Variants in PI3 observed in about 807,000 individuals in gnomAD.
The protein encoded by PI3 is peptidase inhibitor 3.
Under a neutral mutation model 6.0 loss-of-function variants are expected in PI3, and 4 were observed. The ratio of observed to expected loss-of-function variants is 0.67; its 90% CI spans 0.33 to 1.54. The LOEUF (loss-of-function observed/expected upper bound fraction) is 1.54. Ranked by LOEUF, PI3 falls within the 40% of genes most tolerant of loss-of-function variation. The pLI, the probability that PI3 is intolerant of heterozygous loss-of-function variation, is 0.06. For missense variants in PI3, 149 were observed against 147.6 expected (o/e 1.01, Z -0.05); for synonymous variants, 58 against 56.9 (o/e 1.02, Z -0.09).
rs138219402 is a variant in PI3 at position 45,176,129 on chromosome 20, C to G, written c.348C>G (p.Pro116=). ...EGSCGMACFV[P]Q ...CTTGCGGGATGGCCTGTTTCGTTCC[C>G]CAGTGAGGTGAGCACTAGCTGGAGA... The change falls in exon 2 of 3, where the codon CCC becomes CCG. Residue 116 remains proline, a synonymous_variant. Coordinates refer to ENST00000243924, the MANE Select transcript of PI3 (RefSeq NM_002638.4). 4.4e-4 allele frequency: 716 copies of G among 1,613,956 alleles called. 4 individuals carry two copies. The African/African-American group carries it at 8.2e-3, about 18-fold the overall frequency.
Position 45,176,372 on chromosome 20 carries a change from G to A in PI3, c.*4G>A. The A allele has an allele frequency of 1.8e-6, 1 of 568,374 alleles. No individual in the cohort carries two copies. The highest frequency in any genetic ancestry group is 2.1e-5 in the South Asian group (1 of 47,810). The allele number at this position is 568,374 out of a possible 1,614,324, so 35.2% of individuals were successfully genotyped here. On this transcript the variant is annotated splice_region_variant and 3_prime_UTR_variant, in exon 3 of 3. Coordinates refer to ENST00000243924, the MANE Select transcript of PI3 (RefSeq NM_002638.4). The stretch of plus-strand genomic sequence containing the variant: ...TCTGATACTCTTCTCTTCCACAGAG[G>A]GAGCCGGTCCTTGCTGCACCTGTGC...
Position 45,175,222 on chromosome 20 carries a change from A to G in PI3, c.79+221A>G, listed in dbSNP as rs571932525. Among the ~76,000 whole-genome samples, 27 of 152,306 alleles carry G rather than the reference A, an allele frequency of 1.8e-4. No homozygotes were observed. The South Asian group carries it at 5.6e-3, about 32-fold the overall frequency. ...ACTGAGATATCAGGACTGTTTGTGG[A>G]AGTAATGTTGGTATGTGGCCTTGGC... On this transcript the variant is annotated intron_variant, in intron 1 of 2. Transcript: ENST00000243924.
intron 1 of PI3, 58 bp downstream of exon 1, chr20:45,175,059 A>G: frequency 4.4e-6 from 6 of 1,372,270 alleles, no homozygotes; most frequent in Non-Finnish European, 5.1e-6. Flanking sequence ...CCTCTGGGAC[A>G]CCCTGGGCCA....
Position 45,176,030 on chromosome 20 carries a change from C to G in PI3, c.249C>G (p.Cys83Trp). ...CCTGCCCCATTATCTTGATCCGGTG[C>G]GCCATGTTGAATCCCCCTAACCGCT... is the stretch of plus-strand genomic sequence containing the variant. ...PGSCPIILIR[C>W]AMLNPPNRCL... The change falls in exon 2 of 3, where the codon TGC becomes TGG. Residue 83 changes from cysteine (C) to tryptophan (W), a missense_variant. Cys to Trp is a radical substitution (Grantham distance 215). Transcript: ENST00000243924. 6.2e-7 allele frequency: 1 copy of G among 1,614,150 alleles called. No homozygotes were observed. Among genetic ancestry groups the G allele is most frequent in the East Asian group, 2.2e-5 (1 of 44,880 alleles).
At chr20:45,176,224 G>C in intron 2 of PI3, 88 bp downstream of exon 2, 3 of 1,317,526 alleles carry the variant, frequency 2.3e-6, no homozygotes, top group African/African-American at 1.4e-5. Flanking sequence ...GTGGGAGGGA[G>C]GTTGTGGGAG....
In PI3 at chr20:45,176,110, G is replaced by T; in HGVS notation, c.329G>T (p.Gly110Val). ...GIKKCCEGSC[G>V]MACFVPQ ...AAGAAGTGCTGTGAAGGCTCTTGCG[G>T]GATGGCCTGTTTCGTTCCCCAGTGA... The change falls in exon 2 of 3, where the codon GGG (glycine) becomes GTG (valine). Residue 110 changes from glycine to valine, a missense_variant. By Grantham distance (109) the Gly-to-Val change is moderately radical. Transcript: ENST00000243924. 3 of 1,614,116 alleles carry T rather than the reference G, an allele frequency of 1.9e-6. No homozygotes were observed. In the African/African-American group the frequency reaches 4.0e-5, roughly 22 times the overall value.
Position 45,174,975 on chromosome 20 carries a change from T to A in PI3, c.53T>A (p.Leu18Gln). The A allele has an allele frequency of 3.7e-6, 6 of 1,613,110 alleles. No homozygotes were observed. The highest frequency in any genetic ancestry group is 5.1e-6 in the Non-Finnish European group (6 of 1,179,374). The change falls in exon 1 of 3, where the codon CTG becomes CAG. Residue 18 changes from leucine (L) to glutamine (Q), a missense_variant. Leu to Gln is a moderately radical substitution (Grantham distance 113). Coordinates refer to ENST00000243924, the MANE Select transcript of PI3 (RefSeq NM_002638.4). The part of the protein sequence containing the change: ...IVVVFLIAGT[L>Q]VLEAAVTGVP... ...GTGGTGTTCCTCATCGCTGGGACGC[T>A]GGTTCTAGAGGCAGCTGTCACGGGA...
intron 1 of PI3, among the ~76,000 whole-genome samples, chr20:45,175,437 G>A (rs938568152): frequency 1.3e-5 from 2 of 152,190 alleles, no homozygotes; most frequent in Non-Finnish European, 2.9e-5. Context: ...ATTTTATAAG[G>A]AGGGAACCAA....
intron 1 of PI3, 71 bp from the exon 2 acceptor site, chr20:45,175,790 A>G (rs1012203554): frequency 6.5e-7 from 1 of 1,536,434 alleles, no homozygotes; most frequent in Non-Finnish European, 8.9e-7. Context: ...ACCCAGACCC[A>G]GAGGAAAGAC....
Position 45,174,994 on chromosome 20 carries a change from C to T in PI3, c.72C>T (p.Val24=). The T allele has an allele frequency of 6.2e-7, 1 of 1,611,778 alleles. No individual in the cohort carries two copies. ...IAGTLVLEAA[V]TGVPVKGQDT... ...GGACGCTGGTTCTAGAGGCAGCTGT[C>T]ACGGGAGGTGAGTGAACAGGTGACC... is the stretch of plus-strand genomic sequence containing the variant. The change falls in exon 1 of 3, where the codon GTC becomes GTT. Residue 24 remains valine, a synonymous_variant. Coordinates refer to ENST00000243924, the MANE Select transcript of PI3 (RefSeq NM_002638.4).
chr20:45,174,998 G>A lies in PI3; in HGVS notation c.76G>A (p.Gly26Arg), dbSNP rs1982761680. 1 of 1,611,460 alleles carries A rather than the reference G, an allele frequency of 6.2e-7. No individual in the cohort carries two copies. The highest frequency in any genetic ancestry group is 8.5e-7 in the Non-Finnish European group (1 of 1,178,272). The change falls in exon 1 of 3, where the codon GGA becomes AGA. Residue 26 changes from glycine to arginine, a missense_variant. Physicochemically the swap from Gly to Arg is moderately radical, Grantham distance 125. Coordinates refer to ENST00000243924, the MANE Select transcript of PI3 (RefSeq NM_002638.4). ...GTLVLEAAVT[G>R]VPVKGQDTVK... is the part of the protein sequence containing the mutation. ...GCTGGTTCTAGAGGCAGCTGTCACG[G>A]GAGGTGAGTGAACAGGTGACCTGCT...
At chr20:45,175,761 T>G in intron 1 of PI3, 100 bp from the exon 2 acceptor site, 1 of 1,224,438 alleles carries the variant, frequency 8.2e-7, no homozygotes, top group East Asian at 2.3e-5. Context: ...TTGAGGATGC[T>G]GCAGTAAGCA....
chr20:45,175,855 T>C lies in PI3; in HGVS notation c.80-6T>C. 6.2e-7 allele frequency: 1 copy of C among 1,613,934 alleles called. No homozygotes were observed. Reference sequence around the variant, plus strand: ...ATAAATGTGGGCTCGTTTCTTCTTTTAACAGTTCCTGTTAAAGGTCAAGAC... The same window carrying C: ...ATAAATGTGGGCTCGTTTCTTCTTTCAACAGTTCCTGTTAAAGGTCAAGAC... On this transcript the variant is annotated splice_region_variant and splice_polypyrimidine_tract_variant and intron_variant, in intron 1 of 2. Coordinates refer to ENST00000243924, the MANE Select transcript of PI3 (RefSeq NM_002638.4).
At position 45,176,472 on chromosome 20, in the gene PI3, C is replaced by G. The variant is rs548475566; in HGVS notation, c.*104C>G. 1 of 288,754 alleles carries G rather than the reference C, an allele frequency of 3.5e-6. No homozygotes were observed. The highest frequency in any genetic ancestry group is 2.2e-5 in the African/African-American group (1 of 46,404). 17.9% of individuals were successfully genotyped at this position (288,754 alleles called of 1,614,324 possible). A position where few individuals can be genotyped will look rare whatever the true frequency, so the allele number is the denominator to read the frequency against. Reference sequence around the variant, plus strand: ...CCCCTTCCCACACTGTCCATTCTTCCTCCCATTCAGGATGCCCACGGCTGG... The same window carrying G: ...CCCCTTCCCACACTGTCCATTCTTCGTCCCATTCAGGATGCCCACGGCTGG... On this transcript the variant is annotated 3_prime_UTR_variant, in exon 3 of 3. Transcript: ENST00000243924.
rs984890746 is a variant in PI3, at chr20:45,176,444, C to G, written c.*76C>G. On this transcript the variant is annotated 3_prime_UTR_variant, in exon 3 of 3. Coordinates refer to ENST00000243924, the MANE Select transcript of PI3 (RefSeq NM_002638.4). ...CATCTGGTCCTAAGTCCCTGCTGCC[C>G]TTCCCCTTCCCACACTGTCCATTCT... is the stretch of plus-strand genomic sequence containing the variant. 5 of 402,160 alleles carry G rather than the reference C, an allele frequency of 1.2e-5. No homozygotes were observed. The highest frequency in any genetic ancestry group is 2.3e-5 in the Non-Finnish European group (5 of 218,060). The allele number at this position is 402,160 out of a possible 1,614,324, so 24.9% of individuals were successfully genotyped here.
rs966053483 is a variant in PI3, at chr20:45,176,352, T to C, written c.*2-18T>C. On this transcript the variant is annotated intron_variant, in intron 2 of 2. Transcript: ENST00000243924. ...TTGATGTGCTGACTCTCACCTCTGATACTCTTCTCTTCCACAGAGGGAGCC... is the reference window on the plus strand; with the variant it reads ...TTGATGTGCTGACTCTCACCTCTGACACTCTTCTCTTCCACAGAGGGAGCC... 8 of 589,974 alleles carry C rather than the reference T, an allele frequency of 1.4e-5. No individual in the cohort carries two copies. The highest frequency in any genetic ancestry group is 2.4e-5 in the Non-Finnish European group (8 of 332,648). The allele number at this position is 589,974 out of a possible 1,614,324, so 36.5% of individuals were successfully genotyped here.
Position 45,174,929 on chromosome 20 carries a change from G to A in PI3, c.7G>A (p.Ala3Thr). MRASSFLIVVVFL... is the reference protein window; with the variant it reads MRTSSFLIVVVFL... ...CAAACACCTTCCTGACACCATGAGG[G>A]CCAGCAGCTTCTTGATCGTGGTGGT... Residue 3 changes from alanine to threonine, a missense_variant, in exon 1 of 3, where the codon GCC becomes ACC. Transcript: ENST00000243924. 1.1e-5 allele frequency: 17 copies of A among 1,612,626 alleles called. No individual in the cohort carries two copies. The highest frequency in any genetic ancestry group is 1.4e-5 in the Non-Finnish European group (16 of 1,179,082).
chr20:45,175,079 G>A (rs1982764219), intron 1 of PI3, 78 bp downstream of exon 1: 3 of 1,107,798 alleles, frequency 2.7e-6, no homozygotes, highest in African/African-American at 1.6e-5. Context: ...AGGACAGGGA[G>A]CACTTCTGAA....
intron 1 of PI3, 50 bp downstream of exon 1, chr20:45,175,051 T>C (rs756528904): frequency 7.0e-7 from 1 of 1,436,208 alleles, no homozygotes; most frequent in Admixed American, 1.8e-5. Context: ...GGGGAGACCC[T>C]CTGGGACACC....
Sources: allele counts gnomAD v4.1 joint callset (sites outside exome capture counted in the v4.1 genomes callset), GRCh38; gene constraint gnomAD v4.1.1; transcripts MANE v1.5; gene names NCBI Gene and HGNC (gene_info 2026-07-23, HGNC 2026-07-21).